Variants in FAM13C observed in about 807,000 individuals in gnomAD.
FAM13C encodes the protein family with sequence similarity 13 member C.
A neutral mutation model predicts 73.2 loss-of-function variants in FAM13C; 37 were observed. The observed-to-expected ratio is 0.51, with a 90% CI of 0.39 to 0.67. FAM13C has a LOEUF of 0.67. FAM13C is among the 30% of genes least tolerant of loss of function. The probability of loss-of-function intolerance (pLI) is 0.00; values close to 1 mark genes in which losing one functional copy is unlikely to be tolerated. For missense variants in FAM13C, 589 were observed against 715.6 expected, an observed-to-expected ratio of 0.82 and a Z score of 2.02; for synonymous variants, 246 against 260.9, an observed-to-expected ratio of 0.94 and a Z score of 0.55.
At chr10:59,305,301 T>G (rs533502149) in intron 4 of FAM13C, among the ~76,000 whole-genome samples, 44 of 152,278 alleles carry the variant, frequency 2.9e-4, no homozygotes, top group African/African-American at 1.0e-3. Flanking sequence ...TTTGTCAAAT[T>G]CTATGGTCCA....
At chr10:59,289,772 T>C (rs961896105) in intron 5 of FAM13C, among the ~76,000 whole-genome samples, 3 of 152,108 alleles carry the variant, frequency 2.0e-5, no homozygotes, top group African/African-American at 7.2e-5. Context: ...CTTTTCCCTC[T>C]ACAGAAAGAT....
rs967982283 is a variant in FAM13C, at chr10:59,317,013, CATCT to C, written c.443+6971_443+6974del. 5.3e-5 allele frequency among the ~76,000 whole-genome samples: 8 copies of C among 151,876 alleles called. No individual in the cohort carries two copies. In the South Asian group the frequency reaches 6.2e-4, roughly 12 times the overall value. On this transcript the variant is annotated intron_variant, in intron 4 of 13. Coordinates refer to ENST00000618804, the MANE Select transcript of FAM13C (RefSeq NM_198215.4). ...TTATAAATATGTGTATGTATGTATA[CATCT>C]ATCTATCTAATCCCAAAAATGTTTT...
chr10:59,290,895 A>G (rs1388733303), intron 5 of FAM13C, among the ~76,000 whole-genome samples: 1 of 152,160 alleles, frequency 6.6e-6, no homozygotes, highest in Non-Finnish European at 1.5e-5. Flanking sequence ...AGTATCCAAT[A>G]TTGACCCCTC....
At chr10:59,275,258 A>C (rs750778780) in intron 6 of FAM13C, among the ~76,000 whole-genome samples, 20 of 152,196 alleles carry the variant, frequency 1.3e-4, no homozygotes, top group Non-Finnish European at 1.0e-4. Context: ...AGAATGATTC[A>C]TCTCAAGTGG....
chr10:59,328,176 T>C (rs900755519), intron 3 of FAM13C, among the ~76,000 whole-genome samples: 1 of 152,176 alleles, frequency 6.6e-6, no homozygotes, highest in Non-Finnish European at 1.5e-5. Context: ...AGATAGTTCA[T>C]AAGAAAGCTG....
At chr10:59,334,620 A>G (rs1050000531) in intron 3 of FAM13C, among the ~76,000 whole-genome samples, 8 of 152,122 alleles carry the variant, frequency 5.3e-5, no homozygotes, top group African/African-American at 1.9e-4. Flanking sequence ...GACATGGATG[A>G]AGCTGGAAAC....
rs183920244 is a variant in FAM13C at position 59,293,371 on chromosome 10, C to T, written c.507+9430G>A. Among the ~76,000 whole-genome samples the T allele has an allele frequency of 1.2e-3, 182 of 152,256 alleles. 2 individuals are homozygous for T. The East Asian group carries it at 0.032, about 27-fold the overall frequency. ...GATTACAGGCGTGAGCCACTGCGCC[C>T]GGCCAAGAACAACTTTCTTAGCATT... is the stretch of plus-strand genomic sequence containing the variant. On this transcript the variant is annotated intron_variant, in intron 5 of 13. Transcript: ENST00000618804.
At chr10:59,247,988 T>TA (rs949953351) in intron 13 of FAM13C, among the ~76,000 whole-genome samples, 5 of 152,062 alleles carry the variant, frequency 3.3e-5, no homozygotes, top group African/African-American at 1.2e-4. Flanking sequence ...TGCTTAGACT[T>TA]ACAACAAAGG....
intron 3 of FAM13C, 117 bp downstream of exon 3, chr10:59,352,153 A>G: frequency 8.7e-7 from 1 of 1,151,946 alleles, no homozygotes; most frequent in Non-Finnish European, 1.2e-6. Context: ...GCACGCAATG[A>G]CAAGTCGTGC....
intron 5 of FAM13C, among the ~76,000 whole-genome samples, chr10:59,285,788 G>C (rs1425773200): frequency 2.6e-5 from 4 of 152,200 alleles, no homozygotes; most frequent in Non-Finnish European, 5.9e-5. Context: ...GTTAGGGTTA[G>C]ATGAGGAAGC....
intron 5 of FAM13C, among the ~76,000 whole-genome samples, chr10:59,294,568 T>C (rs1846678043): frequency 6.6e-6 from 1 of 152,162 alleles, no homozygotes; most frequent in African/African-American, 2.4e-5. Flanking sequence ...AGGGTGAGGC[T>C]CACAGACCTG....
intron 4 of FAM13C, among the ~76,000 whole-genome samples, chr10:59,315,445 GGT>G (rs202145134): frequency 7.4e-5 from 11 of 148,286 alleles, no homozygotes; most frequent in Non-Finnish European, 1.0e-4. Context: ...AATTTAGTGG[GGT>G]TTTTTTTGTT....
chr10:59,296,654 G>A (rs546195879), intron 5 of FAM13C, among the ~76,000 whole-genome samples: 51 of 152,218 alleles, frequency 3.4e-4, no homozygotes, highest in African/African-American at 1.2e-3. Flanking sequence ...TATTACATTT[G>A]TTTCTTATAA....
intron 2 of FAM13C, among the ~76,000 whole-genome samples, chr10:59,354,439 T>A (rs1219620024): frequency 1.3e-5 from 2 of 152,160 alleles, no homozygotes; most frequent in African/African-American, 2.4e-5. Context: ...TCGGAATAAA[T>A]CATGACTGAG....
intron 4 of FAM13C, among the ~76,000 whole-genome samples, chr10:59,321,108 A>T (rs767980769): frequency 1.2e-4 from 18 of 152,214 alleles, no homozygotes; most frequent in Non-Finnish European, 2.5e-4. Flanking sequence ...CCATGTCTTC[A>T]TCATTGTCGC....
intron 2 of FAM13C, among the ~76,000 whole-genome samples, chr10:59,353,519 A>C (rs16913479): frequency 0.11 from 16,718 of 152,230 alleles, 1,221 homozygotes; most frequent in East Asian, 0.32. Flanking sequence ...CAGCATTTGC[A>C]AAGTCACCTG....
intron 4 of FAM13C, among the ~76,000 whole-genome samples, chr10:59,322,660 CT>C (rs951558065): frequency 1.4e-4 from 22 of 152,056 alleles, no homozygotes; most frequent in South Asian, 6.2e-4. Context: ...GCATGAATGA[CT>C]TTTTTTTGGT....
At chr10:59,274,310 TG>T (rs1391349213) in intron 6 of FAM13C, among the ~76,000 whole-genome samples, 1 of 152,126 alleles carries the variant, frequency 6.6e-6, no homozygotes, top group African/African-American at 2.4e-5. Flanking sequence ...AGAGAGAACA[TG>T]GGTAAACCTG....
intron 4 of FAM13C, among the ~76,000 whole-genome samples, chr10:59,304,602 G>A (rs1356838762): frequency 1.3e-5 from 2 of 151,900 alleles, no homozygotes; most frequent in African/African-American, 4.8e-5. Context: ...CTTTCAGAGG[G>A]TGGCAGGTGG....
Sources: allele counts gnomAD v4.1 joint callset (sites outside exome capture counted in the v4.1 genomes callset), GRCh38; gene constraint gnomAD v4.1.1; transcripts MANE v1.5; gene names NCBI Gene and HGNC (gene_info 2026-07-23, HGNC 2026-07-21).